Variants in NRXN3 observed in about 807,000 individuals in gnomAD.
NRXN3 encodes the protein neurexin III.
A neutral mutation model predicts 137.6 loss-of-function variants in NRXN3; 32 were observed. That is an observed-to-expected ratio of 0.23 (90% CI 0.18 to 0.31). The LOEUF is 0.31. NRXN3 is among the 10% of genes least tolerant of loss of function. The probability of loss-of-function intolerance (pLI) is 1.00; values close to 1 mark genes in which losing one functional copy is unlikely to be tolerated. For synonymous variants in NRXN3, 798 were observed against 784.5 expected, an observed-to-expected ratio of 1.02 and a Z score of -0.29; for missense variants, 1,574 against 2,062.5, an observed-to-expected ratio of 0.76 and a Z score of 4.59.
chr14:79,430,750 T>C (rs2095739237), intron 15 of NRXN3, among the ~76,000 whole-genome samples: 1 of 152,192 alleles, frequency 6.6e-6, no homozygotes, highest in Non-Finnish European at 1.5e-5. Context: ...GTTATGAGTT[T>C]TTTAAAGTTA....
At chr14:79,201,984 G>A (rs1236459827) in intron 15 of NRXN3, among the ~76,000 whole-genome samples, 1 of 152,158 alleles carries the variant, frequency 6.6e-6, no homozygotes, top group Non-Finnish European at 1.5e-5. Flanking sequence ...ATTTAAACTT[G>A]GGTCCAAATC....
chr14:78,876,967 G>T (rs903131476), intron 10 of NRXN3, among the ~76,000 whole-genome samples: 1 of 152,024 alleles, frequency 6.6e-6, no homozygotes, highest in Non-Finnish European at 1.5e-5. Flanking sequence ...TTTTCTACTG[G>T]TCTACTATTT....
chr14:79,214,752 G>GA (rs2068224086), intron 15 of NRXN3, among the ~76,000 whole-genome samples: 1 of 152,134 alleles, frequency 6.6e-6, no homozygotes. Flanking sequence ...GCTTATCTTT[G>GA]TCAGTACTTT....
At chr14:79,835,530 T>C (rs532960677) in intron 20 of NRXN3, among the ~76,000 whole-genome samples, 53 of 152,186 alleles carry the variant, frequency 3.5e-4, no homozygotes, top group Non-Finnish European at 5.4e-4. Flanking sequence ...CATTTCTCCA[T>C]ATATACATTT....
chr14:78,773,572 A>AT (rs745931082), intron 8 of NRXN3, among the ~76,000 whole-genome samples: 405 of 150,580 alleles, frequency 2.7e-3, no homozygotes, highest in Non-Finnish European at 3.7e-3. Context: ...TTAATTTTTA[A>AT]TTTTTTTTTT....
intron 4 of NRXN3, among the ~76,000 whole-genome samples, chr14:78,527,496 A>C (rs34270653): frequency 0.24 from 36,264 of 152,028 alleles, 4,535 homozygotes; most frequent in Middle Eastern, 0.32. Flanking sequence ...TCCCACCAGG[A>C]CCCACCTCCA....
At chr14:79,610,389 A>G (rs2098084089) in intron 16 of NRXN3, among the ~76,000 whole-genome samples, 1 of 152,186 alleles carries the variant, frequency 6.6e-6, no homozygotes. Context: ...TCATGGTAGT[A>G]TTTAACAGTT....
chr14:79,284,315 T>G (rs1052561825), intron 15 of NRXN3, among the ~76,000 whole-genome samples: 1 of 131,584 alleles, frequency 7.6e-6, no homozygotes, highest in Non-Finnish European at 1.6e-5. Flanking sequence ...CTGGCCAACA[T>G]GGGGAAACCC....
chr14:78,547,458 A>AGGC (rs2096647515), intron 4 of NRXN3, among the ~76,000 whole-genome samples: 1 of 152,018 alleles, frequency 6.6e-6, no homozygotes, highest in East Asian at 1.9e-4. Context: ...TCGGCCTCCC[A>AGGC]ATTTCCAGGC....
chr14:79,718,449 T>G (rs1213983174), intron 19 of NRXN3, among the ~76,000 whole-genome samples: 1 of 152,164 alleles, frequency 6.6e-6, no homozygotes, highest in Non-Finnish European at 1.5e-5. Flanking sequence ...ACGTACTAAG[T>G]AAAGGAGTGA....
At chr14:79,003,904 G>C (rs539503437) in intron 15 of NRXN3, among the ~76,000 whole-genome samples, 2 of 152,130 alleles carry the variant, frequency 1.3e-5, no homozygotes, top group South Asian at 2.1e-4. Context: ...TGTGAAACCC[G>C]TGAAGCTGAT....
In NRXN3 at chr14:79,788,281, G is replaced by A. The variant is rs930374857; in HGVS notation, c.4015-16831G>A. 5.9e-5 allele frequency among the ~76,000 whole-genome samples: 9 copies of A among 152,200 alleles called. No homozygotes were observed. The East Asian group carries it at 9.7e-4, about 16-fold the overall frequency. ...CCTCCCATGACACGTGGGGATTATC[G>A]CAATTCAAGGTGAGATTTGGGCAGG... is the stretch of plus-strand genomic sequence containing the variant. On this transcript the variant is annotated intron_variant, in intron 19 of 20. Coordinates refer to ENST00000335750, the MANE Select transcript of NRXN3 (RefSeq NM_001330195.2).
intron 10 of NRXN3, among the ~76,000 whole-genome samples, chr14:78,919,713 A>G (rs1375256536): frequency 5.3e-5 from 8 of 152,254 alleles, no homozygotes; most frequent in South Asian, 2.1e-4. Context: ...GTTCAAAGTC[A>G]TATATGTGAA....
chr14:79,797,968 C>T (rs568399872), intron 19 of NRXN3, among the ~76,000 whole-genome samples: 2 of 151,772 alleles, frequency 1.3e-5, no homozygotes, highest in South Asian at 2.1e-4. Context: ...GGTGTGGTGG[C>T]GTGTACCTAT....
intron 16 of NRXN3, among the ~76,000 whole-genome samples, chr14:79,615,555 G>T (rs571577437): frequency 6.6e-6 from 1 of 152,240 alleles, no homozygotes; most frequent in East Asian, 1.9e-4. Flanking sequence ...AATTTATAAA[G>T]GAAAGAGGTT....
chr14:79,084,460 C>A (rs948761693), intron 15 of NRXN3, among the ~76,000 whole-genome samples: 2 of 152,162 alleles, frequency 1.3e-5, no homozygotes, highest in Non-Finnish European at 2.9e-5. Context: ...TGCCAACTGA[C>A]TATCATTAAA....
intron 15 of NRXN3, among the ~76,000 whole-genome samples, chr14:79,012,431 G>GA (rs2099572784): frequency 6.6e-6 from 1 of 152,188 alleles, no homozygotes; most frequent in Admixed American, 6.5e-5. Flanking sequence ...GGCCCATGGT[G>GA]ATTATGGAGA....
chr14:78,623,783 G>T (rs1187740052), intron 4 of NRXN3, among the ~76,000 whole-genome samples: 2 of 152,118 alleles, frequency 1.3e-5, no homozygotes, highest in East Asian at 1.9e-4. Flanking sequence ...GGTCAGGCTG[G>T]TCTAAAACTC....
chr14:79,470,443 T>A (rs1018799510), intron 16 of NRXN3, among the ~76,000 whole-genome samples: 14 of 152,082 alleles, frequency 9.2e-5, no homozygotes, highest in Non-Finnish European at 1.8e-4. Context: ...TGTTTTCACA[T>A]GGCAGAAGGG....
Sources: allele counts gnomAD v4.1 joint callset (sites outside exome capture counted in the v4.1 genomes callset), GRCh38; gene constraint gnomAD v4.1.1; transcripts MANE v1.5; gene names NCBI Gene and HGNC (gene_info 2026-07-23, HGNC 2026-07-21).